ATE1: variants seen among roughly 807,000 people sequenced by gnomAD.
The protein encoded by ATE1 is arginyl-tRNA--protein transferase 1.
ATE1 carries 36 observed loss-of-function variants against 70.5 expected under a neutral mutation model. The observed-to-expected ratio is 0.51, with a 90% CI of 0.39 to 0.67. The LOEUF is 0.67. Ranked by LOEUF, ATE1 falls within the 30% of genes least tolerant of loss-of-function variation. The pLI, the probability that ATE1 is intolerant of heterozygous loss-of-function variation, is 0.00. For synonymous variants in ATE1, 232 were observed against 219.3 expected, an observed-to-expected ratio of 1.06 and a Z score of -0.51; for missense variants, 593 against 629.5, an observed-to-expected ratio of 0.94 and a Z score of 0.62.
At chr10:121,848,434 T>A (rs955806611) in intron 8 of ATE1, among the ~76,000 whole-genome samples, 2 of 151,290 alleles carry the variant, frequency 1.3e-5, no homozygotes, top group African/African-American at 2.4e-5. Flanking sequence ...CTAGCCAACA[T>A]GGCAAAACCC....
intron 10 of ATE1, among the ~76,000 whole-genome samples, chr10:121,828,820 A>G (rs1948124267): frequency 6.6e-6 from 1 of 152,214 alleles, no homozygotes; most frequent in African/African-American, 2.4e-5. Flanking sequence ...TCAATACAAA[A>G]GATCAGGTAA....
intron 10 of ATE1, among the ~76,000 whole-genome samples, chr10:121,829,247 AC>A (rs1307332038): frequency 6.6e-6 from 1 of 151,996 alleles, no homozygotes; most frequent in African/African-American, 2.4e-5. Context: ...ACATAGTAAA[AC>A]CCCATCTTTA....
chr10:121,909,425 T>G (rs1951332354), intron 5 of ATE1, among the ~76,000 whole-genome samples: 1 of 152,228 alleles, frequency 6.6e-6, no homozygotes, highest in East Asian at 1.9e-4. Context: ...ATAATAATGG[T>G]ATTGTGAATA....
At chr10:121,908,780 C>T (rs1030647519) in intron 5 of ATE1, among the ~76,000 whole-genome samples, 4 of 152,168 alleles carry the variant, frequency 2.6e-5, no homozygotes, top group African/African-American at 4.8e-5. Flanking sequence ...TTAAGACTTG[C>T]CCCCCTGCCC....
chr10:121,843,512 C>A (rs886206714), intron 8 of ATE1, among the ~76,000 whole-genome samples: 8 of 152,148 alleles, frequency 5.3e-5, no homozygotes, highest in Non-Finnish European at 1.0e-4. Context: ...TTGGAAAAAA[C>A]TGTTGACACT....
intron 6 of ATE1, among the ~76,000 whole-genome samples, chr10:121,900,991 G>T (rs1296669507): frequency 2.6e-5 from 4 of 152,138 alleles, no homozygotes; most frequent in Admixed American, 2.0e-4. Flanking sequence ...ATCTGGCCAG[G>T]CAAGGTAGCT....
intron 11 of ATE1, among the ~76,000 whole-genome samples, chr10:121,773,250 T>G (rs895530578): frequency 1.3e-5 from 2 of 152,226 alleles, no homozygotes; most frequent in Admixed American, 1.3e-4. Flanking sequence ...ACACTTTTCA[T>G]GTGTACTTTG....
At chr10:121,816,606 G>A (rs1947553703) in intron 10 of ATE1, among the ~76,000 whole-genome samples, 1 of 152,096 alleles carries the variant, frequency 6.6e-6, no homozygotes, top group African/African-American at 2.4e-5. Context: ...CAGCATTCAA[G>A]GCGCCATCTT....
At chr10:121,863,133 G>A (rs1207986614) in intron 8 of ATE1, among the ~76,000 whole-genome samples, 1 of 151,462 alleles carries the variant, frequency 6.6e-6, no homozygotes, top group East Asian at 1.9e-4. Flanking sequence ...TTTATTTCAT[G>A]TTATCTTGAG....
chr10:121,740,607 C>T lies in ATE1; in HGVS notation c.*3073G>A, dbSNP rs1430657564. On this transcript the variant is annotated 3_prime_UTR_variant, in exon 12 of 12. Transcript: ENST00000224652. ...TAATTCAAACATTTTCCAACTGTTT[C>T]TACTTCATTTTTCAAGTTAGCAACG... The T allele has an allele frequency of 1.3e-5, 2 of 152,122 alleles. No individual in the cohort carries two copies. The highest frequency in any genetic ancestry group is 6.5e-5 in the Admixed American group (1 of 15,280). The allele number at this position is 152,122 out of a possible 1,614,324, so 9.4% of individuals were successfully genotyped here.
At chr10:121,806,538 T>C (rs2133423211) in intron 10 of ATE1, among the ~76,000 whole-genome samples, 1 of 152,288 alleles carries the variant, frequency 6.6e-6, no homozygotes, top group East Asian at 1.9e-4. Flanking sequence ...TAAAATACAC[T>C]ATCAGGACAA....
At chr10:121,810,460 C>T (rs991587444) in intron 10 of ATE1, among the ~76,000 whole-genome samples, 19 of 151,918 alleles carry the variant, frequency 1.3e-4, no homozygotes, top group African/African-American at 1.5e-4. Flanking sequence ...TTAGTAGAGA[C>T]GGGGTTTCAC....
chr10:121,887,521 C>T (rs1950442387), intron 7 of ATE1, among the ~76,000 whole-genome samples: 1 of 128,302 alleles, frequency 7.8e-6, no homozygotes, highest in South Asian at 2.8e-4. Flanking sequence ...CTGGACAACA[C>T]AGCAAGACGC....
intron 8 of ATE1, among the ~76,000 whole-genome samples, chr10:121,858,974 A>G (rs1949363727): frequency 6.6e-6 from 1 of 151,764 alleles, no homozygotes; most frequent in Non-Finnish European, 1.5e-5. Flanking sequence ...ACATGCCTGT[A>G]ATCCCAGCTA....
rs1009237701 is a variant in ATE1, at chr10:121,922,423, A to G, written c.171-12T>C. Reference sequence around the variant, plus strand: ...CATATTTTCCACTTCTAAAATTATAAAAATAGTTTGTTAATGTCTTATATA... The same window carrying G: ...CATATTTTCCACTTCTAAAATTATAGAAATAGTTTGTTAATGTCTTATATA... On this transcript the variant is annotated splice_polypyrimidine_tract_variant and intron_variant, in intron 2 of 11. Transcript: ENST00000224652. 1.0e-5 allele frequency: 16 copies of G among 1,554,898 alleles called. No individual in the cohort carries two copies. The highest frequency in any genetic ancestry group is 1.4e-5 in the African/African-American group (1 of 73,438).
Position 121,916,838 on chromosome 10 carries a change from C to CA in ATE1, c.234-2946dup, listed in dbSNP as rs113526423. 7.5e-4 allele frequency among the ~76,000 whole-genome samples: 101 copies of CA among 134,726 alleles called. 1 individual carries two copies. In the Middle Eastern group the frequency reaches 0.021, roughly 28 times the overall value. 88.4% of individuals were successfully genotyped at this position (134,726 alleles called of 152,430 possible). ...CAACAAAACGAGACTCCGTCTCAAA[C>CA]AAAAAAAAAAAATCCCCAAGATGAC... On this transcript the variant is annotated intron_variant, in intron 3 of 11. Transcript: ENST00000224652.
intron 6 of ATE1, among the ~76,000 whole-genome samples, chr10:121,902,082 G>A (rs1951002460): frequency 6.6e-6 from 1 of 152,034 alleles, no homozygotes; most frequent in African/African-American, 2.4e-5. Flanking sequence ...CAATTTTAAA[G>A]AGTATTTCTT....
chr10:121,864,513 T>C (rs1010547570), intron 8 of ATE1, among the ~76,000 whole-genome samples: 1 of 152,218 alleles, frequency 6.6e-6, no homozygotes, highest in Non-Finnish European at 1.5e-5. Context: ...TGTATGACCA[T>C]TGGCTAGTGT....
chr10:121,921,457 T>A (rs1951878484), intron 3 of ATE1, among the ~76,000 whole-genome samples: 1 of 151,008 alleles, frequency 6.6e-6, no homozygotes, highest in Non-Finnish European at 1.5e-5. Context: ...GCTCTGGAGA[T>A]TCTCCCAGCA....
Sources: allele counts gnomAD v4.1 joint callset (sites outside exome capture counted in the v4.1 genomes callset), GRCh38; gene constraint gnomAD v4.1.1; transcripts MANE v1.5; gene names NCBI Gene and HGNC (gene_info 2026-07-23, HGNC 2026-07-21).